The following LIN9 variants were observed in gnomAD, a reference collection of about 807,000 sequenced individuals.
LIN9 encodes the protein lin-9 DREAM MuvB core complex component.
A neutral mutation model predicts 78.0 loss-of-function variants in LIN9; 18 were observed. That is an observed-to-expected ratio of 0.23 (90% CI 0.16 to 0.34). The LOEUF (loss-of-function observed/expected upper bound fraction) is 0.34, where lower values mean the gene tolerates loss of function less well. Ranked by LOEUF, LIN9 falls within the 10% of genes least tolerant of loss-of-function variation. The probability of loss-of-function intolerance (pLI) is 1.00; values close to 1 mark genes in which losing one functional copy is unlikely to be tolerated. For missense variants in LIN9, 451 were observed against 644.1 expected (o/e 0.70, Z 3.25); for synonymous variants, 192 against 215.2 (o/e 0.89, Z 0.94).
At chr1:226,281,673 T>A (rs375646844) in intron 6 of LIN9, among the ~76,000 whole-genome samples, 1 of 151,776 alleles carries the variant, frequency 6.6e-6, no homozygotes, top group Non-Finnish European at 1.5e-5. Context: ...TATTTCCCTA[T>A]AGTTGACAAT....
At chr1:226,302,547 C>CAAA (rs750572116) in intron 1 of LIN9, among the ~76,000 whole-genome samples, 3 of 79,102 alleles carry the variant, frequency 3.8e-5, no homozygotes, top group Non-Finnish European at 5.3e-5. Context: ...ACTCCATGTC[C>CAAA]AAAAAAAAAA....
At chr1:226,239,147 G>C in intron 11 of LIN9, 51 bp from the exon 12 acceptor site, 5 of 1,580,708 alleles carry the variant, frequency 3.2e-6, no homozygotes, top group Non-Finnish European at 4.3e-6. Flanking sequence ...TTTTAGCAAT[G>C]CAATTTCAAT....
chr1:226,308,971 G>T, intron 1 of LIN9, 138 bp downstream of exon 1: 1 of 794,480 alleles, frequency 1.3e-6, no homozygotes, highest in Non-Finnish European at 1.7e-6. Flanking sequence ...CACCGGAGTG[G>T]GAGGACTAGG....
chr1:226,265,487 A>C lies in LIN9; in HGVS notation c.1038+46T>G, dbSNP rs1212138496. The C allele has an allele frequency of 3.2e-6, 4 of 1,232,138 alleles. No individual in the cohort carries two copies. The African/African-American group carries it at 6.0e-5, about 18-fold the overall frequency. The allele number at this position is 1,232,138 out of a possible 1,614,324, so 76.3% of individuals were successfully genotyped here. ...TTTCAACTTTAATAACATAAAAGGC[A>C]TTGAGTTTTTAAACAAACAGCCAAG... On this transcript the variant is annotated intron_variant, in intron 10 of 14. Transcript: ENST00000681046. The surrounding 1 kb of genome is among the most constrained non-coding windows in gnomAD (Gnocchi z 4.1).
At chr1:226,269,887 A>T (rs926431611) in intron 7 of LIN9, among the ~76,000 whole-genome samples, 5 of 152,176 alleles carry the variant, frequency 3.3e-5, no homozygotes, top group Admixed American at 6.5e-5. Context: ...AAGATGTTTG[A>T]GCATAACCTC....
chr1:226,300,538 G>A (rs1576360885), intron 2 of LIN9, among the ~76,000 whole-genome samples: 2 of 152,062 alleles, frequency 1.3e-5, no homozygotes, highest in Admixed American at 6.6e-5. Context: ...GTGACAAAGC[G>A]AGACCCTGTC....
intron 2 of LIN9, among the ~76,000 whole-genome samples, chr1:226,299,474 C>A (rs1576359355): frequency 7.3e-6 from 1 of 137,510 alleles, no homozygotes. Context: ...CACTGCACTC[C>A]AGCCTGGGCG....
chr1:226,236,513 T>C (rs1271656207), intron 12 of LIN9, among the ~76,000 whole-genome samples: 1 of 152,184 alleles, frequency 6.6e-6, no homozygotes, highest in African/African-American at 2.4e-5. Context: ...TGGAGTGCAA[T>C]GGCGCAATCT....
intron 12 of LIN9, among the ~76,000 whole-genome samples, chr1:226,235,217 G>A (rs1296876477): frequency 6.6e-6 from 1 of 151,162 alleles, no homozygotes; most frequent in African/African-American, 2.4e-5. Context: ...AGCTACTGGG[G>A]AGGCTGAGGC....
At chr1:226,285,274 G>C (rs1177983591) in intron 6 of LIN9, among the ~76,000 whole-genome samples, 1 of 152,118 alleles carries the variant, frequency 6.6e-6, no homozygotes, top group African/African-American at 2.4e-5. Context: ...AATGGCTACT[G>C]TAATTACCAA....
intron 2 of LIN9, among the ~76,000 whole-genome samples, chr1:226,298,259 A>G (rs765913748): frequency 6.6e-6 from 1 of 152,202 alleles, no homozygotes. Flanking sequence ...CCCAGGCTGG[A>G]GTGCAGTGGC....
At chr1:226,290,055 T>C (rs1182934456) in intron 4 of LIN9, among the ~76,000 whole-genome samples, 1 of 152,076 alleles carries the variant, frequency 6.6e-6, no homozygotes, top group Admixed American at 6.6e-5. Context: ...TAAAATATTT[T>C]AAAATCCCAT....
At chr1:226,283,362 G>T (rs2102961813) in intron 6 of LIN9, among the ~76,000 whole-genome samples, 1 of 132,572 alleles carries the variant, frequency 7.5e-6, no homozygotes, top group South Asian at 2.4e-4. Flanking sequence ...CTGAGCTCAA[G>T]TGATCTTCCT....
intron 4 of LIN9, among the ~76,000 whole-genome samples, 183 bp from the exon 5 acceptor site, chr1:226,287,980 C>T (rs1661480294): frequency 6.7e-6 from 1 of 150,262 alleles, no homozygotes; most frequent in Non-Finnish European, 1.5e-5. Context: ...TTGATTATTG[C>T]CTTTTTTTTT....
At chr1:226,259,947 A>AT (rs200539653) in intron 10 of LIN9, among the ~76,000 whole-genome samples, 1 of 151,992 alleles carries the variant, frequency 6.6e-6, no homozygotes. Flanking sequence ...AAAACAGAAA[A>AT]TAGAAAAAAA....
At chr1:226,289,847 G>GT (rs1661632441) in intron 4 of LIN9, among the ~76,000 whole-genome samples, 4 of 49,122 alleles carry the variant, frequency 8.1e-5, no homozygotes, top group African/African-American at 3.3e-4. Flanking sequence ...GGGGGGGGGT[G>GT]GGGGGGGGTG....
At chr1:226,273,602 A>G in intron 7 of LIN9, among the ~76,000 whole-genome samples, 1 of 152,006 alleles carries the variant, frequency 6.6e-6, no homozygotes, top group Non-Finnish European at 1.5e-5. Context: ...ACCTCTTTGC[A>G]TTTGTTTTCT....
At chr1:226,246,792 C>CAA (rs34407541) in intron 11 of LIN9, among the ~76,000 whole-genome samples, 100 of 77,968 alleles carry the variant, frequency 1.3e-3, no homozygotes, top group African/African-American at 4.6e-3. Context: ...GACTCTGTCT[C>CAA]AAAAAAAAAA....
rs750572116 is a variant in LIN9 at position 226,302,547 on chromosome 1, C to CAA, written c.32-1344_32-1343dup. On this transcript the variant is annotated intron_variant, in intron 1 of 14. Transcript: ENST00000681046. Reference sequence around the variant, plus strand: ...GGGTGACAGAGTGAGACTCCATGTCCAAAAAAAAAAAAAAAACAAACCAAT... The same window carrying CAA: ...GGGTGACAGAGTGAGACTCCATGTCCAAAAAAAAAAAAAAAAAACAAACCAAT... Among the ~76,000 whole-genome samples the CAA allele has an allele frequency of 5.4e-3, 426 of 79,092 alleles. 1 individual carries two copies. Among genetic ancestry groups the CAA allele is most frequent in the African/African-American group, 0.017 (363 of 21,804 alleles). 51.9% of individuals were successfully genotyped at this position (79,092 alleles called of 152,430 possible).
Sources: gnomAD v4.1 joint callset for allele counts (sites outside exome capture counted in the v4.1 genomes callset) on GRCh38, gnomAD v4.1.1 for gene constraint, Gnocchi (gnomAD v3.1) non-coding constraint, MANE v1.5 for transcripts, NCBI Gene and HGNC (gene_info 2026-07-23, HGNC 2026-07-21) for gene names.